The following RAPGEF1 variants were observed in gnomAD, a reference collection of about 807,000 sequenced individuals.
RAPGEF1 encodes the protein Rap guanine nucleotide exchange factor 1.
Under a neutral mutation model 143.3 loss-of-function variants are expected in RAPGEF1, and 33 were observed. The ratio of observed to expected loss-of-function variants is 0.23; its 90% CI spans 0.17 to 0.31. The LOEUF is 0.31. RAPGEF1 is among the 10% of genes least tolerant of loss of function. RAPGEF1 has a pLI of 1.00. For synonymous variants in RAPGEF1, 629 were observed against 676.5 expected, an observed-to-expected ratio of 0.93 and a Z score of 1.09; for missense variants, 1,199 against 1,645.4, an observed-to-expected ratio of 0.73 and a Z score of 4.69.
rs771058946 is a variant in RAPGEF1, at chr9:131,629,166, C to A, written c.829G>T (p.Ala277Ser). The A allele has an allele frequency of 7.4e-6, 12 of 1,613,948 alleles. No individual in the cohort carries two copies. The highest frequency in any genetic ancestry group is 1.7e-5 in the Admixed American group (1 of 60,010). The change falls in exon 7 of 27, where the codon GCC becomes TCC. Residue 277 changes from alanine to serine, a missense_variant. By Grantham distance (99) the Ala-to-Ser change is moderately conservative. This residue lies in a region of RAPGEF1 where 613 missense variants were observed against 710.9 expected (regional missense o/e 0.86). Coordinates refer to ENST00000683357, the MANE Select transcript of RAPGEF1 (RefSeq NM_001377935.1). ...MSQSTELLPD[A>S]TDEEVAPPKP... ...GGGGGCGCGACCTCTTCATCCGTGGCATCTGGGAGGAGCTCAGTTGACTGT... is the reference window on the plus strand; with the variant it reads ...GGGGGCGCGACCTCTTCATCCGTGGAATCTGGGAGGAGCTCAGTTGACTGT...
chr9:131,644,509 C>T (rs1969006869), intron 3 of RAPGEF1, among the ~76,000 whole-genome samples: 1 of 151,852 alleles, frequency 6.6e-6, no homozygotes, highest in Admixed American at 6.6e-5. Context: ...ATGAGGCAAA[C>T]AGCCACCTGC....
chr9:131,604,844 G>GT (rs1956842254), intron 13 of RAPGEF1, 87 bp downstream of exon 13: 1 of 1,213,656 alleles, frequency 8.2e-7, no homozygotes, highest in African/African-American at 1.6e-5. Context: ...TTTCAGGAAC[G>GT]TGAAACCGCT....
At chr9:131,677,257 C>T (rs938913766) in intron 1 of RAPGEF1, among the ~76,000 whole-genome samples, 1 of 152,192 alleles carries the variant, frequency 6.6e-6, no homozygotes, top group Non-Finnish European at 1.5e-5. Flanking sequence ...CAACTTGCCT[C>T]TTTAGCCATG....
intron 1 of RAPGEF1, among the ~76,000 whole-genome samples, chr9:131,660,373 G>A (rs1415036235): frequency 6.6e-6 from 1 of 151,414 alleles, no homozygotes; most frequent in Non-Finnish European, 1.5e-5. Flanking sequence ...TCCAAGCACT[G>A]TAAAAATATA....
chr9:131,698,141 C>A (rs1240979131), intron 1 of RAPGEF1, among the ~76,000 whole-genome samples: 1 of 152,164 alleles, frequency 6.6e-6, no homozygotes, highest in Non-Finnish European at 1.5e-5. Context: ...GTCCAATCCC[C>A]GCACAGTAAA....
intron 20 of RAPGEF1, among the ~76,000 whole-genome samples, chr9:131,588,397 C>G (rs77714856): frequency 0.013 from 2,032 of 152,270 alleles, 45 homozygotes; most frequent in African/African-American, 0.046. Flanking sequence ...GAAGGCTATG[C>G]GCTCACTGGA....
At chr9:131,631,415 T>A (rs1161909279) in intron 5 of RAPGEF1, among the ~76,000 whole-genome samples, 2 of 152,242 alleles carry the variant, frequency 1.3e-5, no homozygotes, top group Non-Finnish European at 2.9e-5. Context: ...GAGCTCAGCG[T>A]CAACAGCTGT....
At position 131,628,683 on chromosome 9, in the gene RAPGEF1, C is replaced by T; in HGVS notation, c.894-11G>A. On this transcript the variant is annotated splice_polypyrimidine_tract_variant and intron_variant, in intron 7 of 26. Coordinates refer to ENST00000683357, the MANE Select transcript of RAPGEF1 (RefSeq NM_001377935.1). The surrounding 1 kb of genome is among the most constrained non-coding windows in gnomAD (Gnocchi z 5.7). ...AATGCTGGTGGAGGACTGAAACAGA[C>T]CGAAACGTCCAGGCAGACCAAACCA... The T allele has an allele frequency of 2.5e-6, 4 of 1,592,442 alleles. No individual in the cohort carries two copies. The highest frequency in any genetic ancestry group is 3.4e-6 in the Non-Finnish European group (4 of 1,165,132).
At chr9:131,624,355 G>A (rs572302553) in intron 10 of RAPGEF1, among the ~76,000 whole-genome samples, 448 of 152,322 alleles carry the variant, frequency 2.9e-3, no homozygotes, top group Non-Finnish European at 5.4e-3. Context: ...AGGTTTGCAG[G>A]CTCCAGTGCT....
intron 12 of RAPGEF1, among the ~76,000 whole-genome samples, chr9:131,615,166 G>A (rs1588464110): frequency 6.6e-6 from 1 of 152,348 alleles, no homozygotes; most frequent in East Asian, 1.9e-4. Context: ...TCCGCCTCCT[G>A]GGTTCACGCC....
At chr9:131,723,084 C>T (rs1237467758) in intron 1 of RAPGEF1, among the ~76,000 whole-genome samples, 1 of 151,820 alleles carries the variant, frequency 6.6e-6, no homozygotes, top group East Asian at 1.9e-4. Context: ...GCCCCAGCTA[C>T]TCAGGATGCT....
chr9:131,710,615 G>A (rs1017142091), intron 1 of RAPGEF1, among the ~76,000 whole-genome samples: 3 of 152,202 alleles, frequency 2.0e-5, no homozygotes, highest in Non-Finnish European at 4.4e-5. Context: ...TGAGCCGGGC[G>A]AGGTGGCTCA....
chr9:131,614,546 AGAGT>A (rs1024746752), intron 12 of RAPGEF1, among the ~76,000 whole-genome samples: 3 of 152,300 alleles, frequency 2.0e-5, no homozygotes, highest in Admixed American at 6.5e-5. Flanking sequence ...AAGGAGAGAA[AGAGT>A]GAGTGAGTGA....
At chr9:131,618,938 C>T (rs906682820) in intron 12 of RAPGEF1, 113 bp downstream of exon 12, 324 of 959,732 alleles carry the variant, frequency 3.4e-4, no homozygotes, top group Middle Eastern at 4.4e-4. Flanking sequence ...TGTAGGGACC[C>T]GCAGAAGGGC....
chr9:131,647,446 C>G lies in RAPGEF1; in HGVS notation c.315+2683G>C, dbSNP rs1969957075. 2.0e-5 allele frequency among the ~76,000 whole-genome samples: 3 copies of G among 152,218 alleles called. No homozygotes were observed. The South Asian group carries it at 6.2e-4, about 31-fold the overall frequency. On this transcript the variant is annotated intron_variant, in intron 3 of 26. Transcript: ENST00000683357. ...AAGTGGCAGCGAATCTGAATCTGTA[C>G]TTTCATCTCCCTGCACTTCCATTTC... is the stretch of plus-strand genomic sequence containing the variant.
Position 131,630,286 on chromosome 9 carries a change from C to T in RAPGEF1, c.690G>A (p.Pro230=), listed in dbSNP as rs755185432. ...TGGGCTTCACGGGGCTCGTCGGAGA[C>T]GGACGTCCCTGCTTCTCGATGGTGA... is the stretch of plus-strand genomic sequence containing the variant. The part of the protein sequence containing the change: ...VRLTIEKQGR[P]SPTSPVKPSS... Residue 230 remains proline, a synonymous_variant, in exon 6 of 27, where the codon CCG becomes CCA. Coordinates refer to ENST00000683357, the MANE Select transcript of RAPGEF1 (RefSeq NM_001377935.1). The T allele has an allele frequency of 2.0e-5, 32 of 1,613,678 alleles. No homozygotes were observed. The highest frequency in any genetic ancestry group is 8.3e-5 in the Admixed American group (5 of 59,970).
At chr9:131,607,677 C>T (rs1389905849) in intron 12 of RAPGEF1, among the ~76,000 whole-genome samples, 2 of 152,098 alleles carry the variant, frequency 1.3e-5, no homozygotes, top group Non-Finnish European at 2.9e-5. Context: ...ATGTTCATTC[C>T]CAATGCCCAG....
At chr9:131,630,464 G>GT in intron 5 of RAPGEF1, 140 bp from the exon 6 acceptor site, 1 of 759,288 alleles carries the variant, frequency 1.3e-6, no homozygotes, top group South Asian at 1.7e-5. Context: ...ATAAACGCAA[G>GT]TATCACTTGC....
In RAPGEF1 at chr9:131,579,364, G is replaced by T; in HGVS notation, c.*133C>A. On this transcript the variant is annotated 3_prime_UTR_variant, in exon 27 of 27. Transcript: ENST00000683357. ...CAGGCTCCAGCTCCCGCCCGGCCCC[G>T]CTGAGGGCTGGCCAGCCTCATGGCT... The T allele has an allele frequency of 1.5e-6, 2 of 1,302,110 alleles. No individual in the cohort carries two copies. The highest frequency in any genetic ancestry group is 2.1e-6 in the Non-Finnish European group (2 of 950,186). 80.7% of individuals were successfully genotyped at this position (1,302,110 alleles called of 1,614,324 possible).
Sources: allele counts gnomAD v4.1 joint callset (sites outside exome capture counted in the v4.1 genomes callset), GRCh38; gene constraint gnomAD v4.1.1; regional missense constraint gnomAD v4.1.1; non-coding constraint Gnocchi (gnomAD v3.1); transcripts MANE v1.5; gene names NCBI Gene and HGNC (gene_info 2026-07-23, HGNC 2026-07-21).